Variants in SHC3 observed in about 807,000 individuals in gnomAD.
SHC3 encodes SHC adaptor protein 3.
Under a neutral mutation model 60.4 loss-of-function variants are expected in SHC3, and 15 were observed. That is an observed-to-expected ratio of 0.25 (90% CI 0.17 to 0.38). The LOEUF (loss-of-function observed/expected upper bound fraction) is 0.38. SHC3 is among the 10% of genes least tolerant of loss of function. The probability of loss-of-function intolerance (pLI) is 1.00; values close to 1 mark genes in which losing one functional copy is unlikely to be tolerated. For missense variants in SHC3, 677 were observed against 786.1 expected (o/e 0.86, Z 1.66); for synonymous variants, 294 against 325.9 (o/e 0.90, Z 1.05).
At chr9:89,153,108 G>A (rs1826566908) in intron 1 of SHC3, among the ~76,000 whole-genome samples, 1 of 152,168 alleles carries the variant, frequency 6.6e-6, no homozygotes, top group African/African-American at 2.4e-5. Context: ...TTAAGGTTTT[G>A]TGGTTTACTA....
At chr9:89,054,861 A>T (rs931709525) in intron 6 of SHC3, among the ~76,000 whole-genome samples, 7 of 152,234 alleles carry the variant, frequency 4.6e-5, no homozygotes, top group African/African-American at 1.7e-4. Context: ...AAAAGCAGGG[A>T]TCCTTTGCTG....
At chr9:89,147,667 T>G (rs1022836735) in intron 1 of SHC3, among the ~76,000 whole-genome samples, 13 of 152,172 alleles carry the variant, frequency 8.5e-5, no homozygotes, top group Non-Finnish European at 2.9e-5. Flanking sequence ...TTTGCCAGTT[T>G]GCACGATGCC....
intron 2 of SHC3, among the ~76,000 whole-genome samples, chr9:89,078,193 T>C (rs1402428992): frequency 6.6e-6 from 1 of 151,930 alleles, no homozygotes; most frequent in Non-Finnish European, 1.5e-5. Context: ...TTTTTTTACA[T>C]TTTGCTAAGA....
At chr9:89,101,618 TA>T (rs970165950) in intron 2 of SHC3, among the ~76,000 whole-genome samples, 103 of 146,034 alleles carry the variant, frequency 7.1e-4, no homozygotes, top group East Asian at 3.1e-3. Flanking sequence ...TATATATATA[TA>T]TTTTTTTTAA....
In SHC3 at chr9:89,008,783, CG is replaced by C. The variant is rs1485734587; in HGVS notation, c.*4663del. 3 of 152,204 alleles carry C rather than the reference CG, an allele frequency of 2.0e-5. No homozygotes were observed. The highest frequency in any genetic ancestry group is 6.5e-5 in the Admixed American group (1 of 15,280). The allele number at this position is 152,204 out of a possible 1,614,324, so 9.4% of individuals were successfully genotyped here. A position where few individuals can be genotyped will look rare whatever the true frequency, so the allele number is the denominator to read the frequency against. On this transcript the variant is annotated 3_prime_UTR_variant, in exon 12 of 12. Transcript: ENST00000375835. The stretch of plus-strand genomic sequence containing the variant: ...ACTCTGGGGTGTCAGCTCTGTCTCT[CG>C]GGGTTCCCCGGTGGGATTCAGCTCC...
intron 7 of SHC3, among the ~76,000 whole-genome samples, chr9:89,047,296 C>T (rs1037669990): frequency 6.6e-6 from 1 of 152,202 alleles, no homozygotes; most frequent in South Asian, 2.1e-4. Context: ...GGACAGCACA[C>T]ATTTTTGTAA....
rs936923155 is a variant in SHC3, at chr9:89,007,845, C to T, written c.*5602G>A. On this transcript the variant is annotated 3_prime_UTR_variant, in exon 12 of 12. Coordinates refer to ENST00000375835, the MANE Select transcript of SHC3 (RefSeq NM_016848.6). Reference sequence around the variant, plus strand: ...GTGGTCCTCATGTCCTGTTCTTGTTCTCTTTGTGCTGGATCTCACATCCTA... The same window carrying T: ...GTGGTCCTCATGTCCTGTTCTTGTTTTCTTTGTGCTGGATCTCACATCCTA... The T allele has an allele frequency of 2.0e-5, 3 of 152,222 alleles. No homozygotes were observed. The highest frequency in any genetic ancestry group is 7.2e-5 in the African/African-American group (3 of 41,428). The allele number at this position is 152,222 out of a possible 1,614,324, so 9.4% of individuals were successfully genotyped here.
At position 89,112,662 on chromosome 9, in the gene SHC3, G is replaced by A. The variant is rs747094438; in HGVS notation, c.475-36C>T. On this transcript the variant is annotated intron_variant, in intron 1 of 11. Coordinates refer to ENST00000375835, the MANE Select transcript of SHC3 (RefSeq NM_016848.6). ...AAAAAATGTAAATCGTGAGCCCTGAGATTTGAGATAAAGAGACAACTCCTA... is the reference window on the plus strand; with the variant it reads ...AAAAAATGTAAATCGTGAGCCCTGAAATTTGAGATAAAGAGACAACTCCTA... The A allele has an allele frequency of 8.4e-6, 13 of 1,554,348 alleles. No individual in the cohort carries two copies. In the South Asian group the frequency reaches 1.6e-4, roughly 19 times the overall value.
In SHC3 at chr9:89,071,717, C is replaced by CTTG. The variant is rs1190731878; in HGVS notation, c.730-466_730-465insCAA. On this transcript the variant is annotated intron_variant, in intron 4 of 11. Transcript: ENST00000375835. Reference sequence around the variant, plus strand: ...GTTTGCCTAATTAATGAAGATGGCACCCAACAAGATAAGGACATAAAAAGG... The same window carrying CTTG: ...GTTTGCCTAATTAATGAAGATGGCACTTGCCAACAAGATAAGGACATAAAAAGG... 4.5e-3 allele frequency among the ~76,000 whole-genome samples: 689 copies of CTTG among 152,302 alleles called. 3 individuals are homozygous for CTTG. Among genetic ancestry groups the CTTG allele is most frequent in the Admixed American group, 9.0e-3 (138 of 15,290 alleles).
intron 10 of SHC3, among the ~76,000 whole-genome samples, chr9:89,040,156 TCATCACCATCATCATCACTATCAA>T (rs1824655302): frequency 8.5e-5 from 2 of 23,668 alleles, no homozygotes; most frequent in East Asian, 1.4e-3. Flanking sequence ...ACCACCATCA[TCATCACCATCATCATCACTATCAA>T]CACCACCACC....
chr9:89,022,517 C>G (rs1253007558), intron 11 of SHC3, among the ~76,000 whole-genome samples: 1 of 152,162 alleles, frequency 6.6e-6, no homozygotes, highest in African/African-American at 2.4e-5. Flanking sequence ...TAAGGAATTT[C>G]CCCCTCTAGA....
At chr9:89,156,134 T>C (rs1191264844) in intron 1 of SHC3, among the ~76,000 whole-genome samples, 1 of 152,202 alleles carries the variant, frequency 6.6e-6, no homozygotes, top group Non-Finnish European at 1.5e-5. Flanking sequence ...TCATAAAATC[T>C]ATTACTGCCT....
At chr9:89,040,195 G>GCACCT (rs1824658707) in intron 10 of SHC3, among the ~76,000 whole-genome samples, 1 of 136,048 alleles carries the variant, frequency 7.4e-6, no homozygotes, top group Non-Finnish European at 1.6e-5. Flanking sequence ...ACCACCATCA[G>GCACCT]CAGCATCATC....
At chr9:89,067,458 A>C (rs544971701) in intron 5 of SHC3, among the ~76,000 whole-genome samples, 3 of 152,230 alleles carry the variant, frequency 2.0e-5, no homozygotes, top group Non-Finnish European at 4.4e-5. Context: ...CTGTGTTATC[A>C]AGTTCTGCAC....
chr9:89,157,586 TG>T (rs1409621329), intron 1 of SHC3, among the ~76,000 whole-genome samples: 3 of 151,872 alleles, frequency 2.0e-5, no homozygotes, highest in Non-Finnish European at 2.9e-5. Context: ...ATTGCCAAAA[TG>T]TTTTTTTAAT....
chr9:89,088,978 T>C (rs1212756578), intron 2 of SHC3: 1 of 152,230 alleles, frequency 6.6e-6, no homozygotes, highest in Non-Finnish European at 1.5e-5. Context: ...CTTCACAAAC[T>C]GTGAACGGTG....
intron 1 of SHC3, among the ~76,000 whole-genome samples, chr9:89,125,788 G>A (rs1481426645): frequency 6.6e-6 from 1 of 152,112 alleles, no homozygotes; most frequent in Non-Finnish European, 1.5e-5. Flanking sequence ...TCTTAAAAGG[G>A]AAGGAACCCT....
At chr9:89,111,435 T>C (rs2118110086) in intron 2 of SHC3, among the ~76,000 whole-genome samples, 1 of 152,318 alleles carries the variant, frequency 6.6e-6, no homozygotes, top group Non-Finnish European at 1.5e-5. Context: ...TTAACCACAG[T>C]GCTGTCTATT....
intron 6 of SHC3, among the ~76,000 whole-genome samples, chr9:89,061,824 G>A (rs1825094760): frequency 6.6e-6 from 1 of 152,102 alleles, no homozygotes; most frequent in South Asian, 2.1e-4. Flanking sequence ...CCAAGTATTC[G>A]CACTGCATAT....
Sources: gnomAD v4.1 joint callset for allele counts (sites outside exome capture counted in the v4.1 genomes callset) on GRCh38, gnomAD v4.1.1 for gene constraint, MANE v1.5 for transcripts, NCBI Gene and HGNC (gene_info 2026-07-23, HGNC 2026-07-21) for gene names.